CERT1: variants seen among roughly 807,000 people sequenced by gnomAD.
The protein encoded by CERT1 is ceramide transporter 1, also known as ceramide transfer protein.
In CERT1, 31 loss-of-function variants were observed where a neutral mutation model predicts 87.9. The observed-to-expected ratio is 0.35, with a 90% CI of 0.27 to 0.48. The LOEUF (loss-of-function observed/expected upper bound fraction) is 0.48. Ranked by LOEUF, CERT1 falls within the 20% of genes least tolerant of loss-of-function variation. CERT1 has a pLI of 0.99. For missense variants in CERT1, 487 were observed against 758.0 expected (o/e 0.64, Z 4.20); for synonymous variants, 289 against 250.9 (o/e 1.15, Z -1.44).
intron 3 of CERT1, among the ~76,000 whole-genome samples, chr5:75,449,735 G>A (rs1168407268): frequency 6.6e-6 from 1 of 151,802 alleles, no homozygotes; most frequent in South Asian, 2.1e-4. Flanking sequence ...ATTCTGATGG[G>A]TATATGGTGT....
intron 2 of CERT1, among the ~76,000 whole-genome samples, chr5:75,474,996 G>A (rs114168138): frequency 0.014 from 2,138 of 152,032 alleles, 44 homozygotes; most frequent in African/African-American, 0.047. Flanking sequence ...GGTGTTAAAG[G>A]AGGCCAACTA....
chr5:75,406,946 T>C (rs924102354), intron 8 of CERT1, among the ~76,000 whole-genome samples: 2 of 152,156 alleles, frequency 1.3e-5, no homozygotes, highest in Non-Finnish European at 2.9e-5. Context: ...TAGAACATCA[T>C]GAATGTCTGA....
intron 2 of CERT1, among the ~76,000 whole-genome samples, chr5:75,497,881 G>A (rs1429987698): frequency 6.6e-6 from 1 of 152,190 alleles, no homozygotes; most frequent in Non-Finnish European, 1.5e-5. Flanking sequence ...GTAACAGGCA[G>A]AGGCTGGAAC....
chr5:75,369,415 C>A (rs1761006681), intron 17 of CERT1: 1 of 151,998 alleles, frequency 6.6e-6, no homozygotes, highest in Non-Finnish European at 1.5e-5. Flanking sequence ...GACCCATACA[C>A]CAAAATTGCT....
intron 11 of CERT1, among the ~76,000 whole-genome samples, chr5:75,391,281 T>C (rs928982073): frequency 3.3e-5 from 5 of 152,232 alleles, no homozygotes; most frequent in African/African-American, 1.2e-4. Context: ...ATATGTTATA[T>C]GTGATAGTGA....
chr5:75,444,552 T>TC lies in CERT1; in HGVS notation c.348+14512_348+14513insG, dbSNP rs1296429038. On this transcript the variant is annotated intron_variant, in intron 3 of 16. Transcript: ENST00000643780. ...AGTTGATTTTGCTTTTCTTTTCTTT[T>TC]TTTTTTTTTTTTTTGAGACAGAGTC... is the stretch of plus-strand genomic sequence containing the variant. Among the ~76,000 whole-genome samples the TC allele has an allele frequency of 2.4e-4, 35 of 147,706 alleles. No homozygotes were observed. In the Middle Eastern group the frequency reaches 0.014, roughly 58 times the overall value.
chr5:75,376,111 T>G (rs1761301316), downstream of CERT1: 1 of 152,170 alleles, frequency 6.6e-6, no homozygotes, highest in African/African-American at 2.4e-5. Context: ...AACATACACA[T>G]GCACACACAC....
At chr5:75,477,082 G>T (rs867673199) in intron 2 of CERT1, among the ~76,000 whole-genome samples, 2 of 152,154 alleles carry the variant, frequency 1.3e-5, no homozygotes, top group Non-Finnish European at 2.9e-5. Context: ...CATATGCAAA[G>T]TATGAAAAAC....
At chr5:75,388,303 TA>T (rs1761881357) in intron 12 of CERT1, among the ~76,000 whole-genome samples, 1 of 152,146 alleles carries the variant, frequency 6.6e-6, no homozygotes, top group African/African-American at 2.4e-5. Flanking sequence ...CAGCATCTAA[TA>T]TTATATCTTA....
intron 2 of CERT1, among the ~76,000 whole-genome samples, chr5:75,490,561 C>T (rs550467864): frequency 9.2e-5 from 14 of 151,824 alleles, no homozygotes; most frequent in South Asian, 4.2e-4. Context: ...TGCAGTGGCG[C>T]GATCTCGGCT....
At chr5:75,386,126 AT>A in intron 12 of CERT1, 92 bp from the exon 13 acceptor site, 1 of 1,005,358 alleles carries the variant, frequency 9.9e-7, no homozygotes. Context: ...TGCTCTTTAG[AT>A]TTTTATGAAA....
upstream of CERT1, chr5:75,511,974 C>T (rs1478858039): frequency 3.1e-6 from 2 of 647,120 alleles, no homozygotes; most frequent in Non-Finnish European, 5.3e-6. Flanking sequence ...GGTGGGTGGG[C>T]TTCGTTTGAC....
chr5:75,402,961 A>T lies in CERT1; in HGVS notation c.1017+11T>A. 1 of 1,549,310 alleles carries T rather than the reference A, an allele frequency of 6.5e-7. No homozygotes were observed. Among genetic ancestry groups the T allele is most frequent in the Non-Finnish European group, 8.9e-7 (1 of 1,123,756 alleles). ...TAAATTTCAGCTTAGAATTTTCAAT[A>T]ATAGATATACCTGTTCTTCTATTTT... On this transcript the variant is annotated intron_variant, in intron 9 of 16. Transcript: ENST00000643780.
chr5:75,415,447 TAAAG>T (rs1763097945), intron 7 of CERT1, among the ~76,000 whole-genome samples: 1 of 152,108 alleles, frequency 6.6e-6, no homozygotes, highest in African/African-American at 2.4e-5. Context: ...TGCTACCCAA[TAAAG>T]AAAGAGAACT....
At chr5:75,488,095 A>C (rs1766609397) in intron 2 of CERT1, among the ~76,000 whole-genome samples, 1 of 152,100 alleles carries the variant, frequency 6.6e-6, no homozygotes, top group African/African-American at 2.4e-5. Flanking sequence ...GTTAATAAGT[A>C]CAAAAATATA....
intron 2 of CERT1, among the ~76,000 whole-genome samples, chr5:75,478,070 T>C (rs1766052460): frequency 1.3e-5 from 2 of 152,144 alleles, no homozygotes; most frequent in African/African-American, 2.4e-5. Context: ...CCCAGCACTT[T>C]GGGAGGCTGA....
intron 2 of CERT1, among the ~76,000 whole-genome samples, chr5:75,464,107 T>C (rs1392278434): frequency 2.0e-5 from 3 of 152,070 alleles, no homozygotes; most frequent in African/African-American, 4.8e-5. Context: ...ATCAGTTCTA[T>C]GGGAAAACTG....
chr5:75,404,291 T>TAAAAAAAAACAAAAAAAAA (rs1762617295), intron 8 of CERT1, among the ~76,000 whole-genome samples: 1 of 84,044 alleles, frequency 1.2e-5, no homozygotes, highest in African/African-American at 4.3e-5. Flanking sequence ...ACCTACTTCA[T>TAAAAAAAAACAAAAAAAAA]AAAAAAAAAA....
intron 2 of CERT1, among the ~76,000 whole-genome samples, chr5:75,499,035 G>C (rs549344024): frequency 1.3e-5 from 2 of 152,340 alleles, no homozygotes; most frequent in East Asian, 3.9e-4. Flanking sequence ...AGTCAAAGGA[G>C]ATCATTTTGG....
Sources: allele counts gnomAD v4.1 joint callset (sites outside exome capture counted in the v4.1 genomes callset), GRCh38; gene constraint gnomAD v4.1.1; transcripts MANE v1.5; gene names NCBI Gene and HGNC (gene_info 2026-07-23, HGNC 2026-07-21).